The following AFG1L variants were observed in gnomAD, a reference collection of about 807,000 sequenced individuals.
AFG1L encodes the protein AFG1-like ATPase.
A neutral mutation model predicts 62.2 loss-of-function variants in AFG1L; 53 were observed. The observed-to-expected ratio is 0.85, with a 90% CI of 0.68 to 1.07. The LOEUF (loss-of-function observed/expected upper bound fraction) is 1.07, where lower values mean the gene tolerates loss of function less well. AFG1L is among the 50% of genes least tolerant of loss of function. AFG1L has a pLI of 0.00. For synonymous variants in AFG1L, 228 were observed against 210.3 expected (o/e 1.08, Z -0.73); for missense variants, 555 against 590.5 (o/e 0.94, Z 0.62).
intron 6 of AFG1L, among the ~76,000 whole-genome samples, chr6:108,372,153 T>G (rs1197295248): frequency 1.3e-5 from 2 of 151,814 alleles, no homozygotes; most frequent in East Asian, 1.9e-4. Flanking sequence ...TAAATTCACT[T>G]TTTTTCATTT....
intron 7 of AFG1L, among the ~76,000 whole-genome samples, chr6:108,435,406 G>A (rs1015293505): frequency 1.3e-5 from 2 of 152,216 alleles, no homozygotes; most frequent in Admixed American, 1.3e-4. Flanking sequence ...TTACAACAGG[G>A]CTGGGCACAG....
intron 11 of AFG1L, among the ~76,000 whole-genome samples, chr6:108,518,933 C>T (rs990292195): frequency 1.3e-5 from 2 of 152,162 alleles, no homozygotes; most frequent in Non-Finnish European, 2.9e-5. Context: ...CCCTGGGGAG[C>T]GTCTTAGGTG....
chr6:108,411,070 C>G (rs1782086111), intron 7 of AFG1L, among the ~76,000 whole-genome samples: 1 of 152,194 alleles, frequency 6.6e-6, no homozygotes, highest in South Asian at 2.1e-4. Flanking sequence ...CACCCAAATA[C>G]TGCGCTTTTC....
chr6:108,512,439 A>G (rs1048731852), intron 11 of AFG1L, among the ~76,000 whole-genome samples: 8 of 152,162 alleles, frequency 5.3e-5, no homozygotes, highest in Admixed American at 5.2e-4. Context: ...ATGGAGGCCC[A>G]TCAGCTGTGA....
intron 6 of AFG1L, among the ~76,000 whole-genome samples, chr6:108,392,929 C>T (rs1401071172): frequency 1.3e-5 from 2 of 152,196 alleles, no homozygotes; most frequent in East Asian, 3.9e-4. Context: ...ATCTGCGTAT[C>T]CATGTGCATC....
At chr6:108,344,312 C>A (rs1459112634) in intron 2 of AFG1L, among the ~76,000 whole-genome samples, 1 of 152,098 alleles carries the variant, frequency 6.6e-6, no homozygotes, top group Non-Finnish European at 1.5e-5. Flanking sequence ...AGGGTTTGAC[C>A]ATGTTGGCCA....
chr6:108,443,926 T>G (rs997500643), intron 7 of AFG1L, among the ~76,000 whole-genome samples: 3 of 152,002 alleles, frequency 2.0e-5, no homozygotes, highest in Non-Finnish European at 4.4e-5. Flanking sequence ...GTTGTTAAAA[T>G]ATATTTTTCC....
intron 8 of AFG1L, among the ~76,000 whole-genome samples, chr6:108,464,454 A>T (rs1472401243): frequency 1.3e-5 from 2 of 152,166 alleles, no homozygotes; most frequent in African/African-American, 2.4e-5. Flanking sequence ...AAAATAAATC[A>T]TGATTCTCAT....
At chr6:108,305,996 C>T (rs1777185111) in intron 1 of AFG1L, among the ~76,000 whole-genome samples, 1 of 152,098 alleles carries the variant, frequency 6.6e-6, no homozygotes, top group East Asian at 1.9e-4. Flanking sequence ...CTCTACCTCC[C>T]GGGTTCAAGT....
At chr6:108,446,145 C>T (rs1186727884) in intron 7 of AFG1L, among the ~76,000 whole-genome samples, 1 of 150,984 alleles carries the variant, frequency 6.6e-6, no homozygotes, top group African/African-American at 2.4e-5. Flanking sequence ...ATCCAACTGA[C>T]CAAGAAGATA....
chr6:108,501,016 C>T (rs185113878), intron 10 of AFG1L, among the ~76,000 whole-genome samples: 50 of 151,256 alleles, frequency 3.3e-4, no homozygotes, highest in Admixed American at 1.1e-3. Context: ...TTTTTTGAGA[C>T]GGAGTCTTGC....
At chr6:108,501,572 C>T (rs1405428837) in intron 10 of AFG1L, among the ~76,000 whole-genome samples, 1 of 152,168 alleles carries the variant, frequency 6.6e-6, no homozygotes, top group Admixed American at 6.5e-5. Flanking sequence ...TCCATGCAGT[C>T]CTTCATGGAC....
chr6:108,361,898 T>A (rs1244351854), intron 5 of AFG1L, among the ~76,000 whole-genome samples: 1 of 152,242 alleles, frequency 6.6e-6, no homozygotes, highest in East Asian at 1.9e-4. Flanking sequence ...TGTAATTTAC[T>A]TATTTATTGT....
intron 5 of AFG1L, among the ~76,000 whole-genome samples, chr6:108,363,453 T>A (rs1341758674): frequency 2.0e-5 from 3 of 152,146 alleles, no homozygotes; most frequent in African/African-American, 7.2e-5. Context: ...TTGAGAAATG[T>A]GTTTGGATAG....
chr6:108,408,757 G>A (rs949353251), intron 7 of AFG1L, among the ~76,000 whole-genome samples: 1 of 152,100 alleles, frequency 6.6e-6, no homozygotes, highest in Admixed American at 6.5e-5. Flanking sequence ...CAATTACTCT[G>A]CCTTGGCCAA....
intron 7 of AFG1L, among the ~76,000 whole-genome samples, chr6:108,414,116 A>G (rs1782244504): frequency 1.3e-5 from 2 of 152,220 alleles, no homozygotes; most frequent in South Asian, 4.1e-4. Context: ...CAGAAATACA[A>G]ACTACCATCA....
At chr6:108,298,196 TA>T (rs1776843811) in intron 1 of AFG1L, among the ~76,000 whole-genome samples, 1 of 151,796 alleles carries the variant, frequency 6.6e-6, no homozygotes, top group African/African-American at 2.4e-5. Context: ...TACCATGATC[TA>T]AGCCTGTTTG....
At chr6:108,433,047 C>T (rs66911193) in intron 7 of AFG1L, among the ~76,000 whole-genome samples, 19,532 of 152,158 alleles carry the variant, frequency 0.13, 1,528 homozygotes, top group South Asian at 0.23. Flanking sequence ...TAGAAAAGTA[C>T]TCAGTCTCCT....
At chr6:108,454,212 A>G (rs1167049190) in intron 8 of AFG1L, among the ~76,000 whole-genome samples, 1 of 152,174 alleles carries the variant, frequency 6.6e-6, no homozygotes, top group African/African-American at 2.4e-5. Context: ...ACTAGTTTGC[A>G]TGGTGTCACA....
Sources: allele counts gnomAD v4.1 joint callset (sites outside exome capture counted in the v4.1 genomes callset), GRCh38; gene constraint gnomAD v4.1.1; transcripts MANE v1.5; gene names NCBI Gene and HGNC (gene_info 2026-07-23, HGNC 2026-07-21).